Variants in ETS2 observed in about 807,000 individuals in gnomAD.
ETS2 encodes ETS proto-oncogene 2, transcription factor.
ETS2 carries 19 observed loss-of-function variants against 54.9 expected under a neutral mutation model. That is an observed-to-expected ratio of 0.35 (90% CI 0.24 to 0.51). The LOEUF is 0.51. Ranked by LOEUF, ETS2 falls within the 20% of genes least tolerant of loss-of-function variation. ETS2 has a pLI of 0.97. For missense variants in ETS2, 417 were observed against 593.0 expected, an observed-to-expected ratio of 0.70 and a Z score of 3.08; for synonymous variants, 219 against 229.3, an observed-to-expected ratio of 0.95 and a Z score of 0.41.
At chr21:38,810,153 C>G in intron 2 of ETS2, 47 bp downstream of exon 2, 1 of 1,185,940 alleles carries the variant, frequency 8.4e-7, no homozygotes. Context: ...AAAACTCGAT[C>G]TCTAGGAGGA....
At position 38,806,248 on chromosome 21, in the gene ETS2, T is replaced by C; in HGVS notation, c.-1+128T>C. The C allele has an allele frequency of 1.0e-6, 1 of 965,566 alleles. No individual in the cohort carries two copies. Among genetic ancestry groups the C allele is most frequent in the Non-Finnish European group, 1.2e-6 (1 of 812,478 alleles). 59.8% of individuals were successfully genotyped at this position (965,566 alleles called of 1,614,324 possible). ...CTCGGGGCGCTGCCGGGGGTGCAGG[T>C]GGGGGTGGCGGCTGCTGCGAGGACT... On this transcript the variant is annotated intron_variant, in intron 1 of 9. Coordinates refer to ENST00000360938, the MANE Select transcript of ETS2 (RefSeq NM_005239.6). The surrounding 1 kb of genome is among the most constrained non-coding windows in gnomAD (Gnocchi z 4.3).
At chr21:38,805,302 G>A, upstream of ETS2, 1 of 1,241,544 alleles carries the variant, frequency 8.1e-7, no homozygotes, top group Non-Finnish European at 1.0e-6. This position sits in a 1 kb window ranked among gnomAD's most constrained non-coding sequence, Gnocchi z 5.2. Flanking sequence ...GAGCCTTTTT[G>A]TGATAGAATG....
At chr21:38,822,476 C>T (rs2060962163) in intron 9 of ETS2, among the ~76,000 whole-genome samples, 198 bp from the exon 10 acceptor site, 1 of 152,158 alleles carries the variant, frequency 6.6e-6, no homozygotes, top group African/African-American at 2.4e-5. Flanking sequence ...GGTTCTGCCC[C>T]TTGGGGACAC....
chr21:38,819,082 T>C (rs1261881963), intron 7 of ETS2, among the ~76,000 whole-genome samples: 1 of 152,178 alleles, frequency 6.6e-6, no homozygotes, highest in African/African-American at 2.4e-5. Context: ...TTCCCATCAA[T>C]AATGTCCCCC....
Position 38,818,490 on chromosome 21 carries a change from G to A in ETS2, c.655G>A (p.Asp219Asn). 6.2e-7 allele frequency: 1 copy of A among 1,614,134 alleles called. No homozygotes were observed. The highest frequency in any genetic ancestry group is 8.5e-7 in the Non-Finnish European group (1 of 1,180,026). Residue 219 changes from aspartate to asparagine, a missense_variant, in exon 7 of 10, where the codon GAC (aspartate) becomes AAC (asparagine). This residue lies in a region of ETS2 where 326 missense variants were observed against 426.1 expected (regional missense o/e 0.76). Transcript: ENST00000360938. Reference protein sequence around the residue: ...TQNYPKGGLLDSMCPASTPSV... With the variant: ...TQNYPKGGLLNSMCPASTPSV... ...GAATTACCCCAAAGGCGGCCTCCTG[G>A]ACAGCATGTGTCCGGCCTCCACACC... is the stretch of plus-strand genomic sequence containing the variant.
rs746987804 is a variant in ETS2 at position 38,818,621 on chromosome 21, C to T, written c.786C>T (p.Asn262=). ...CSVSQDFPGS[N]LNLLTNNSGT... is the part of the protein sequence containing the mutation. ...TCAGTCAGGACTTCCCAGGCAGCAA[C>T]TTGAATTTGCTCACCAACAATTCTG... The change falls in exon 7 of 10, where the codon AAC becomes AAT. Residue 262 remains asparagine, a synonymous_variant. Coordinates refer to ENST00000360938, the MANE Select transcript of ETS2 (RefSeq NM_005239.6). 13 of 1,614,184 alleles carry T rather than the reference C, an allele frequency of 8.1e-6. No individual in the cohort carries two copies. The highest frequency in any genetic ancestry group is 1.3e-5 in the African/African-American group (1 of 75,040).
chr21:38,818,640 A>G lies in ETS2; in HGVS notation c.805A>G (p.Asn269Asp). The change falls in exon 7 of 10, where the codon AAT becomes GAT. Residue 269 changes from asparagine to aspartate, a missense_variant. Physicochemically the swap from Asn to Asp is conservative, Grantham distance 23. Transcript: ENST00000360938. ...PGSNLNLLTN[N>D]SGTPKDHDSP... ...CAGCAACTTGAATTTGCTCACCAAC[A>G]ATTCTGGTAAGATTGGAAGCATCTT... 1 of 1,614,116 alleles carries G rather than the reference A, an allele frequency of 6.2e-7. No homozygotes were observed. The highest frequency in any genetic ancestry group is 1.1e-5 in the South Asian group (1 of 91,082).
Position 38,822,941 on chromosome 21 carries a change from G to A in ETS2, c.*52G>A. Reference sequence around the variant, plus strand: ...CCCAGGCTCGTGGACTGAGTGGGAAGCCCATCCTGACCAGCTGCTCCGAGG... The same window carrying A: ...CCCAGGCTCGTGGACTGAGTGGGAAACCCATCCTGACCAGCTGCTCCGAGG... On this transcript the variant is annotated 3_prime_UTR_variant, in exon 10 of 10. Coordinates refer to ENST00000360938, the MANE Select transcript of ETS2 (RefSeq NM_005239.6). 7.2e-7 allele frequency: 1 copy of A among 1,395,132 alleles called. No individual in the cohort carries two copies. The highest frequency in any genetic ancestry group is 9.6e-7 in the Non-Finnish European group (1 of 1,043,302). The allele number at this position is 1,395,132 out of a possible 1,614,324, so 86.4% of individuals were successfully genotyped here. A position where few individuals can be genotyped will look rare whatever the true frequency, so the allele number is the denominator to read the frequency against.
chr21:38,807,201 A>C (rs756909413), intron 1 of ETS2, among the ~76,000 whole-genome samples: 2 of 152,240 alleles, frequency 1.3e-5, no homozygotes, highest in Non-Finnish European at 2.9e-5. Context: ...TTAGTCATTC[A>C]TCTCTCTAAA....
intron 6 of ETS2, among the ~76,000 whole-genome samples, 190 bp from the exon 7 acceptor site, chr21:38,818,235 C>A (rs544968778): frequency 1.2e-4 from 19 of 152,310 alleles, no homozygotes; most frequent in African/African-American, 3.4e-4. Flanking sequence ...TGGCAGAGGG[C>A]TGCTGGTTGA....
At chr21:38,818,010 A>G (rs2060942046) in intron 6 of ETS2, among the ~76,000 whole-genome samples, 1 of 152,226 alleles carries the variant, frequency 6.6e-6, no homozygotes, top group Admixed American at 6.5e-5. Flanking sequence ...AGGAGCAGAA[A>G]GCAGAGTGGG....
chr21:38,821,343 C>T lies in ETS2; in HGVS notation c.1076-243C>T, dbSNP rs1377461935. Among the ~76,000 whole-genome samples the T allele has an allele frequency of 2.0e-5, 3 of 152,038 alleles. No homozygotes were observed. The East Asian group carries it at 5.8e-4, about 30-fold the overall frequency. On this transcript the variant is annotated intron_variant, in intron 8 of 9. Transcript: ENST00000360938. This position sits in a 1 kb window ranked among gnomAD's most constrained non-coding sequence, Gnocchi z 4.2. ...AGGGGAAGAGTGTCTCGCCTAGTGA[C>T]CTTATTTTCTAGGAGTAGGCAGTGT...
intron 2 of ETS2, among the ~76,000 whole-genome samples, 186 bp from the exon 3 acceptor site, chr21:38,812,817 C>T (rs949178923): frequency 2.6e-5 from 4 of 152,082 alleles, no homozygotes; most frequent in African/African-American, 9.7e-5. Flanking sequence ...AAAATACAAT[C>T]ATTTCAGTCA....
In ETS2 at chr21:38,824,813, G is replaced by A. The variant is rs537015591; in HGVS notation, c.*1924G>A. 28 of 152,702 alleles carry A rather than the reference G, an allele frequency of 1.8e-4. No homozygotes were observed. The highest frequency in any genetic ancestry group is 3.9e-4 in the Admixed American group (6 of 15,300). 9.5% of individuals were successfully genotyped at this position (152,702 alleles called of 1,614,324 possible). ...TAGGCTGGCTTTTATCTACAAAGAA[G>A]GAGTTTCATGGGGTTCAGCCTAACA... On this transcript the variant is annotated 3_prime_UTR_variant, in exon 10 of 10. Transcript: ENST00000360938.
At chr21:38,808,714 T>C (rs2060902989) in intron 1 of ETS2, among the ~76,000 whole-genome samples, 1 of 152,074 alleles carries the variant, frequency 6.6e-6, no homozygotes, top group African/African-American at 2.4e-5. Context: ...AATTAAATAG[T>C]TCGGTGAGCC....
At chr21:38,805,919 G>C, upstream of ETS2, 1 of 1,246,342 alleles carries the variant, frequency 8.0e-7, no homozygotes, top group Admixed American at 2.7e-5. This position sits in a 1 kb window ranked among gnomAD's most constrained non-coding sequence, Gnocchi z 5.2. Flanking sequence ...CGCCGCGTGG[G>C]GGACGGCCCG....
chr21:38,817,737 A>C (rs1352243056), intron 6 of ETS2, among the ~76,000 whole-genome samples: 1 of 152,208 alleles, frequency 6.6e-6, no homozygotes, highest in Non-Finnish European at 1.5e-5. Context: ...TGGCCAGGCC[A>C]GCGAGGGAGG....
chr21:38,815,010 G>A, intron 5 of ETS2, 29 bp downstream of exon 5: 1 of 1,605,196 alleles, frequency 6.2e-7, no homozygotes, highest in Non-Finnish European at 8.5e-7. Context: ...ACTTCTCCTT[G>A]TCCAGGATGA....
At chr21:38,815,840 T>C (rs1054023861) in intron 5 of ETS2, among the ~76,000 whole-genome samples, 5 of 149,792 alleles carry the variant, frequency 3.3e-5, no homozygotes, top group African/African-American at 1.2e-4. Context: ...CTCGGAAGCC[T>C]GAGGCAGGAG....
Sources: allele counts gnomAD v4.1 joint callset (sites outside exome capture counted in the v4.1 genomes callset), GRCh38; gene constraint gnomAD v4.1.1; regional missense constraint gnomAD v4.1.1; non-coding constraint Gnocchi (gnomAD v3.1); transcripts MANE v1.5; gene names NCBI Gene and HGNC (gene_info 2026-07-23, HGNC 2026-07-21).